Variants in FAM13C observed in about 807,000 individuals in gnomAD.
The protein encoded by FAM13C is protein FAM13C.
A neutral mutation model predicts 73.2 loss-of-function variants in FAM13C; 37 were observed. That is an observed-to-expected ratio of 0.51 (90% confidence interval 0.39 to 0.67). FAM13C has a LOEUF of 0.67. FAM13C is among the 30% of genes least tolerant of loss of function. The pLI is 0.00. For synonymous variants in FAM13C, 246 were observed against 260.9 expected (o/e 0.94, Z 0.55); for missense variants, 589 against 715.6 (o/e 0.82, Z 2.02).
chr10:59,309,330 C>T (rs1848661979), intron 4 of FAM13C, among the ~76,000 whole-genome samples: 1 of 152,128 alleles, frequency 6.6e-6, no homozygotes, highest in Non-Finnish European at 1.5e-5. Flanking sequence ...CCCCTCTACC[C>T]TCCTCAGGCC....
chr10:59,263,454 T>C (rs1463702937), intron 9 of FAM13C, among the ~76,000 whole-genome samples: 1 of 152,244 alleles, frequency 6.6e-6, no homozygotes, highest in East Asian at 1.9e-4. Flanking sequence ...CCAGTTCTTT[T>C]TAGTCACTTT....
intron 6 of FAM13C, among the ~76,000 whole-genome samples, chr10:59,272,189 A>G (rs1843791030): frequency 1.3e-5 from 2 of 152,218 alleles, no homozygotes; most frequent in Non-Finnish European, 2.9e-5. Flanking sequence ...ATAATTTACC[A>G]TGTGGCCCAA....
intron 6 of FAM13C, among the ~76,000 whole-genome samples, chr10:59,278,785 T>C (rs1221890751): frequency 6.6e-6 from 1 of 152,078 alleles, no homozygotes; most frequent in Non-Finnish European, 1.5e-5. Flanking sequence ...ATCCTGAATA[T>C]ATATAAAGGC....
At chr10:59,287,925 C>G (rs1243984300) in intron 5 of FAM13C, among the ~76,000 whole-genome samples, 1 of 152,210 alleles carries the variant, frequency 6.6e-6, no homozygotes, top group African/African-American at 2.4e-5. Context: ...GGTCTTATTT[C>G]TGCACCTGCC....
At chr10:59,333,907 T>C (rs1172862766) in intron 3 of FAM13C, among the ~76,000 whole-genome samples, 2 of 152,212 alleles carry the variant, frequency 1.3e-5, no homozygotes, top group Non-Finnish European at 2.9e-5. Flanking sequence ...TCTGCTGAAC[T>C]AGTCATTGAG....
chr10:59,302,102 A>G (rs1847675476), intron 5 of FAM13C, among the ~76,000 whole-genome samples: 1 of 152,220 alleles, frequency 6.6e-6, no homozygotes. Flanking sequence ...CCTTAATCAG[A>G]CGTACTAAAT....
chr10:59,250,037 GAA>G (rs1253584382), intron 13 of FAM13C, among the ~76,000 whole-genome samples: 2 of 152,174 alleles, frequency 1.3e-5, no homozygotes, highest in African/African-American at 2.4e-5. Flanking sequence ...TCAAATTTAT[GAA>G]AAGAGTGTAC....
intron 4 of FAM13C, among the ~76,000 whole-genome samples, chr10:59,314,584 C>A (rs537009734): frequency 3.9e-5 from 6 of 152,240 alleles, no homozygotes; most frequent in African/African-American, 1.4e-4. Context: ...CTGGGTTTGG[C>A]CAAAACTGTT....
At chr10:59,329,044 G>A (rs1204529626) in intron 3 of FAM13C, among the ~76,000 whole-genome samples, 1 of 152,100 alleles carries the variant, frequency 6.6e-6, no homozygotes, top group Non-Finnish European at 1.5e-5. Flanking sequence ...GAAGCTATTG[G>A]ACTATTACAT....
chr10:59,284,277 G>A (rs1462384724), intron 5 of FAM13C, among the ~76,000 whole-genome samples: 2 of 151,972 alleles, frequency 1.3e-5, no homozygotes, highest in Non-Finnish European at 2.9e-5. Flanking sequence ...ATCCTGCCAT[G>A]ATGCAGATGC....
chr10:59,336,127 C>G (rs968967341), intron 3 of FAM13C, among the ~76,000 whole-genome samples: 3 of 152,144 alleles, frequency 2.0e-5, no homozygotes, highest in Non-Finnish European at 4.4e-5. Flanking sequence ...GAAAACCAGA[C>G]AAGGGACTAC....
chr10:59,307,640 C>A (rs188164329), intron 4 of FAM13C, among the ~76,000 whole-genome samples: 6 of 152,178 alleles, frequency 3.9e-5, no homozygotes, highest in Non-Finnish European at 5.9e-5. Context: ...AAAATAAAGT[C>A]TGCCCTTGTG....
At chr10:59,356,672 C>T (rs1254959343) in intron 1 of FAM13C, among the ~76,000 whole-genome samples, 2 of 152,130 alleles carry the variant, frequency 1.3e-5, no homozygotes, top group Non-Finnish European at 2.9e-5. Flanking sequence ...CAGCCAAGGT[C>T]GCCCATGTGC....
Position 59,314,879 on chromosome 10 carries a change from C to T in FAM13C, c.443+9109G>A, listed in dbSNP as rs896129022. Reference sequence around the variant, plus strand: ...GAGGCATCTATGATACAAATTATGGCTTTAAACATTATTTAAACCTATAAA... The same window carrying T: ...GAGGCATCTATGATACAAATTATGGTTTTAAACATTATTTAAACCTATAAA... On this transcript the variant is annotated intron_variant, in intron 4 of 13. Transcript: ENST00000618804. 1.6e-4 allele frequency among the ~76,000 whole-genome samples: 25 copies of T among 152,252 alleles called. 1 individual carries two copies. Among genetic ancestry groups the T allele is most frequent in the Admixed American group, 1.3e-3 (20 of 15,286 alleles).
intron 3 of FAM13C, among the ~76,000 whole-genome samples, chr10:59,340,932 G>C (rs964687932): frequency 6.6e-6 from 1 of 151,964 alleles, no homozygotes; most frequent in Non-Finnish European, 1.5e-5. Flanking sequence ...TGGGTCTTCA[G>C]AGGACCACGC....
At position 59,264,124 on chromosome 10, in the gene FAM13C, A is replaced by G; in HGVS notation, c.985T>C (p.Trp329Arg). The G allele has an allele frequency of 6.3e-7, 1 of 1,597,074 alleles. No homozygotes were observed. The highest frequency in any genetic ancestry group is 8.6e-7 in the Non-Finnish European group (1 of 1,169,588). ...CGACCTTTAGCCAAATCATTCATCC[A>G]TTTCAGGACTTCAGGATTAGAAGTC... Reference protein sequence around the residue: ...DKTSNPEVLKWMNDLAKGRKQ... With the variant: ...DKTSNPEVLKRMNDLAKGRKQ... The change falls in exon 9 of 14, where the codon TGG becomes CGG. Residue 329 changes from tryptophan to arginine, a missense_variant. Trp to Arg is a moderately radical substitution (Grantham distance 101, BLOSUM62 -3). Coordinates refer to ENST00000618804, the MANE Select transcript of FAM13C (RefSeq NM_198215.4).
intron 3 of FAM13C, among the ~76,000 whole-genome samples, chr10:59,331,212 T>C (rs916422570): frequency 1.3e-4 from 20 of 152,078 alleles, no homozygotes; most frequent in African/African-American, 4.6e-4. Flanking sequence ...AATGCTACAA[T>C]AGGATAAGGA....
chr10:59,331,196 A>G (rs558115328), intron 3 of FAM13C, among the ~76,000 whole-genome samples: 1 of 152,240 alleles, frequency 6.6e-6, no homozygotes, highest in Non-Finnish European at 1.5e-5. Flanking sequence ...GAAGTATAGT[A>G]TGATCAATGC....
Position 59,246,422 on chromosome 10 carries a change from CAAT to C in FAM13C, c.*1189_*1191del, listed in dbSNP as rs1167536219. 1 of 356,940 alleles carries C rather than the reference CAAT, an allele frequency of 2.8e-6. No individual in the cohort carries two copies. Among genetic ancestry groups the C allele is most frequent in the Non-Finnish European group, 5.0e-6 (1 of 200,040 alleles). The allele number at this position is 356,940 out of a possible 1,614,324, so 22.1% of individuals were successfully genotyped here. A position where few individuals can be genotyped will look rare whatever the true frequency, so the allele number is the denominator to read the frequency against. ...GAAATAAGTCTGTTTCTGAAATAGT[CAAT>C]AGTCTTCCCATCCAAACTATAAGAG... On this transcript the variant is annotated 3_prime_UTR_variant, in exon 14 of 14. Coordinates refer to ENST00000618804, the MANE Select transcript of FAM13C (RefSeq NM_198215.4).
Sources: gnomAD v4.1 joint callset for allele counts (sites outside exome capture counted in the v4.1 genomes callset) on GRCh38, gnomAD v4.1.1 for gene constraint, MANE v1.5 for transcripts, NCBI Gene and HGNC (gene_info 2026-07-23, HGNC 2026-07-21) for gene names.